Variants in ADAMTS12 observed in about 807,000 individuals in gnomAD.
ADAMTS12 encodes the protein ADAM metallopeptidase with thrombospondin type 1 motif 12, also known as A disintegrin and metalloproteinase with thrombospondin motifs 12.
In ADAMTS12, 118 loss-of-function variants were observed where a neutral mutation model predicts 167.8. That is an observed-to-expected ratio of 0.70 (90% CI 0.61 to 0.82). The LOEUF (loss-of-function observed/expected upper bound fraction) is 0.82, where lower values mean the gene tolerates loss of function less well. Ranked by LOEUF, ADAMTS12 falls within the 40% of genes least tolerant of loss-of-function variation. The probability of loss-of-function intolerance (pLI) is 0.00; values close to 1 mark genes in which losing one functional copy is unlikely to be tolerated. For missense variants in ADAMTS12, 1,916 were observed against 1,998.8 expected, an observed-to-expected ratio of 0.96 and a Z score of 0.79; for synonymous variants, 704 against 716.9, an observed-to-expected ratio of 0.98 and a Z score of 0.29.
intron 19 of ADAMTS12, among the ~76,000 whole-genome samples, chr5:33,563,591 A>C (rs936179676): frequency 1.3e-5 from 2 of 152,198 alleles, no homozygotes; most frequent in Admixed American, 6.5e-5. Flanking sequence ...CCATATGAAC[A>C]CTGCTCTGAA....
At chr5:33,784,658 T>C (rs893272494) in intron 2 of ADAMTS12, among the ~76,000 whole-genome samples, 1 of 152,042 alleles carries the variant, frequency 6.6e-6, no homozygotes, top group Non-Finnish European at 1.5e-5. Flanking sequence ...ATCTATATCC[T>C]GAAATGTACA....
At chr5:33,648,706 T>TAA (rs1373565683) in intron 9 of ADAMTS12, 116 bp downstream of exon 9, 3 of 1,311,158 alleles carry the variant, frequency 2.3e-6, no homozygotes, top group African/African-American at 1.5e-5. Context: ...GCCTTAAATA[T>TAA]AAAGCTTCTA....
intron 2 of ADAMTS12, among the ~76,000 whole-genome samples, chr5:33,809,316 GA>G (rs1415008353): frequency 2.0e-5 from 3 of 151,856 alleles, no homozygotes; most frequent in African/African-American, 7.3e-5. Context: ...AGCAGATTCA[GA>G]ATTCTACATT....
chr5:33,757,412 G>C (rs994667721), intron 2 of ADAMTS12, among the ~76,000 whole-genome samples: 3 of 152,242 alleles, frequency 2.0e-5, no homozygotes, highest in Admixed American at 6.5e-5. Context: ...AATGGGAACA[G>C]ATGTTTGTTC....
At chr5:33,631,882 T>A (rs1054944994) in intron 12 of ADAMTS12, among the ~76,000 whole-genome samples, 1 of 152,150 alleles carries the variant, frequency 6.6e-6, no homozygotes, top group Non-Finnish European at 1.5e-5. Flanking sequence ...TGTGATCAGC[T>A]GAGGACTCAA....
At chr5:33,562,176 A>G (rs890808914) in intron 19 of ADAMTS12, among the ~76,000 whole-genome samples, 3 of 152,288 alleles carry the variant, frequency 2.0e-5, no homozygotes, top group East Asian at 1.9e-4. Flanking sequence ...GCAAGCTCCC[A>G]GGTGCTGCTG....
chr5:33,671,062 A>G (rs1023082459), intron 5 of ADAMTS12, among the ~76,000 whole-genome samples: 8 of 148,770 alleles, frequency 5.4e-5, no homozygotes, highest in South Asian at 2.2e-4. Context: ...GTCTCAAGTT[A>G]TATCTGGTAT....
chr5:33,686,936 TAG>T lies in ADAMTS12; in HGVS notation c.635-2883_635-2882del, dbSNP rs1554035094. Among the ~76,000 whole-genome samples the T allele has an allele frequency of 3.1e-3, 451 of 145,596 alleles. 3 individuals are homozygous for T. Among genetic ancestry groups the T allele is most frequent in the African/African-American group, 1.0e-2 (389 of 39,052 alleles). On this transcript the variant is annotated intron_variant, in intron 3 of 23. Transcript: ENST00000504830. ...TATAGGCACTGAATATATATATATA[TAG>T]AGAGAGAGAGAGAGAGAGCAAGAGA...
chr5:33,845,763 G>A (rs867056010), intron 2 of ADAMTS12, among the ~76,000 whole-genome samples: 16 of 152,344 alleles, frequency 1.1e-4, no homozygotes, highest in Middle Eastern at 6.8e-3. Context: ...TTGATAGGAT[G>A]CAATGAGAAA....
At chr5:33,834,944 G>A (rs542313354) in intron 2 of ADAMTS12, among the ~76,000 whole-genome samples, 1 of 152,138 alleles carries the variant, frequency 6.6e-6, no homozygotes, top group Non-Finnish European at 1.5e-5. Context: ...TGCAGGGAGA[G>A]GGAGCAGGAA....
At chr5:33,720,023 A>C (rs1438923610) in intron 3 of ADAMTS12, among the ~76,000 whole-genome samples, 1 of 152,154 alleles carries the variant, frequency 6.6e-6, no homozygotes, top group African/African-American at 2.4e-5. Context: ...ATCTGTATCC[A>C]CAATCTCAAA....
At chr5:33,837,603 A>T (rs1748583422) in intron 2 of ADAMTS12, among the ~76,000 whole-genome samples, 1 of 152,080 alleles carries the variant, frequency 6.6e-6, no homozygotes, top group Non-Finnish European at 1.5e-5. Flanking sequence ...TGGGTTTAAG[A>T]GCACTTCCCA....
At position 33,628,006 on chromosome 5, in the gene ADAMTS12, G is replaced by T. The variant is rs1739741354; in HGVS notation, c.2022+2774C>A. Among the ~76,000 whole-genome samples the T allele has an allele frequency of 2.0e-5, 3 of 152,082 alleles. 1 individual carries two copies. In the South Asian group the frequency reaches 6.2e-4, roughly 32 times the overall value. On this transcript the variant is annotated intron_variant, in intron 13 of 23. Transcript: ENST00000504830. ...GGAGTGCACAGTAGGCTAATGGTAAGATCAAAAAAGGGGTGTGATGGGGTT... is the reference window on the plus strand; with the variant it reads ...GGAGTGCACAGTAGGCTAATGGTAATATCAAAAAAGGGGTGTGATGGGGTT...
intron 19 of ADAMTS12, among the ~76,000 whole-genome samples, chr5:33,575,065 C>T (rs182653310): frequency 1.0e-3 from 155 of 152,188 alleles, no homozygotes; most frequent in African/African-American, 3.5e-3. Flanking sequence ...AATACCTAGC[C>T]AAATTTCTGG....
chr5:33,785,936 G>A (rs1010061799), intron 2 of ADAMTS12, among the ~76,000 whole-genome samples: 1 of 152,120 alleles, frequency 6.6e-6, no homozygotes, highest in South Asian at 2.1e-4. Flanking sequence ...GCTCATGAAT[G>A]GATAAACAAA....
intron 14 of ADAMTS12, among the ~76,000 whole-genome samples, chr5:33,620,310 T>C (rs2112110571): frequency 6.6e-6 from 1 of 152,384 alleles, no homozygotes; most frequent in East Asian, 1.9e-4. Context: ...AGTGGCACTT[T>C]GTATGAATCC....
At chr5:33,707,897 G>A (rs1358488154) in intron 3 of ADAMTS12, among the ~76,000 whole-genome samples, 1 of 152,126 alleles carries the variant, frequency 6.6e-6, no homozygotes, top group East Asian at 1.9e-4. Context: ...CATGGACAAA[G>A]TCTTCATGAC....
chr5:33,546,293 G>T, intron 21 of ADAMTS12, 91 bp from the exon 22 acceptor site: 1 of 1,258,258 alleles, frequency 7.9e-7, no homozygotes, highest in Non-Finnish European at 1.1e-6. Flanking sequence ...TTTTTGTTAT[G>T]TACAGTGTTA....
chr5:33,858,961 G>A (rs1324531060), intron 2 of ADAMTS12, among the ~76,000 whole-genome samples: 1 of 152,124 alleles, frequency 6.6e-6, no homozygotes, highest in Non-Finnish European at 1.5e-5. Context: ...GTGCCTTGAG[G>A]AACGGTGCAC....
Sources: allele counts gnomAD v4.1 joint callset (sites outside exome capture counted in the v4.1 genomes callset), GRCh38; gene constraint gnomAD v4.1.1; transcripts MANE v1.5; gene names NCBI Gene and HGNC (gene_info 2026-07-23, HGNC 2026-07-21).